The following SVEP1 variants were observed in gnomAD, a reference collection of about 807,000 sequenced individuals.
SVEP1 encodes the protein sushi, von Willebrand factor type A, EGF and pentraxin domain-containing protein 1.
Under a neutral mutation model 367.3 loss-of-function variants are expected in SVEP1, and 164 were observed. The observed-to-expected ratio is 0.45, with a 90% confidence interval of 0.39 to 0.51. The LOEUF (loss-of-function observed/expected upper bound fraction) is 0.51, where lower values mean the gene tolerates loss of function less well. Ranked by LOEUF, SVEP1 falls within the 20% of genes least tolerant of loss-of-function variation. SVEP1 has a pLI of 0.00. For missense variants in SVEP1, 4,117 were observed against 4,425.3 expected (o/e 0.93, Z 1.98); for synonymous variants, 1,666 against 1,611.6 (o/e 1.03, Z -0.81).
intron 3 of SVEP1, among the ~76,000 whole-genome samples, chr9:110,541,788 T>C (rs953185507): frequency 1.4e-5 from 2 of 144,968 alleles, no homozygotes; most frequent in African/African-American, 5.0e-5. Flanking sequence ...TCTATATACA[T>C]AGATATCTAT....
intron 1 of SVEP1, among the ~76,000 whole-genome samples, chr9:110,562,988 GT>G (rs1830450002): frequency 6.6e-6 from 1 of 152,114 alleles, no homozygotes; most frequent in South Asian, 2.1e-4. Flanking sequence ...AAGTTTAGCT[GT>G]TGTAACAAGG....
rs1564171832 is a variant in SVEP1 at position 110,541,831 on chromosome 9, CTATA to C, written c.964+4280_964+4283del. Among the ~76,000 whole-genome samples, 1,142 of 138,918 alleles carry C rather than the reference CTATA, an allele frequency of 8.2e-3. 12 individuals carry two copies. Among genetic ancestry groups the C allele is most frequent in the African/African-American group, 0.026 (1,004 of 38,180 alleles). The allele number at this position is 138,918 out of a possible 152,430, so 91.1% of individuals were successfully genotyped here. On this transcript the variant is annotated intron_variant, in intron 3 of 47. Transcript: ENST00000374469. ...TATATACATAGATATCTATATATAT[CTATA>C]TACATAGATATCTATATATATCTAT...
intron 3 of SVEP1, among the ~76,000 whole-genome samples, chr9:110,528,690 T>C (rs1251162170): frequency 6.6e-6 from 1 of 152,022 alleles, no homozygotes; most frequent in African/African-American, 2.4e-5. Context: ...TTGAGTTCCT[T>C]GTGCATTCTG....
intron 26 of SVEP1, among the ~76,000 whole-genome samples, chr9:110,445,308 G>A (rs1477222132): frequency 1.3e-5 from 2 of 152,168 alleles, no homozygotes; most frequent in Non-Finnish European, 2.9e-5. Flanking sequence ...TGGCGATGGG[G>A]CCCTGGAGTT....
intron 3 of SVEP1, among the ~76,000 whole-genome samples, chr9:110,542,495 A>G (rs1388611281): frequency 1.3e-5 from 2 of 152,180 alleles, no homozygotes; most frequent in Admixed American, 1.3e-4. Context: ...TAAAACAGCT[A>G]TCGTCTAGTC....
intron 3 of SVEP1, among the ~76,000 whole-genome samples, chr9:110,542,908 T>C (rs1830168992): frequency 6.6e-6 from 1 of 151,182 alleles, no homozygotes; most frequent in African/African-American, 2.4e-5. Context: ...GGCACATGTA[T>C]ACGTATGTAA....
At position 110,468,972 on chromosome 9, in the gene SVEP1, T is replaced by C. The variant is rs1828978085; in HGVS notation, c.3128A>G (p.Tyr1043Cys). Reference protein sequence around the residue: ...KLCPSGMYTEYIHSRNISDCK... With the variant: ...KLCPSGMYTECIHSRNISDCK... ...ATCAGAGATGTTTCTTGAATGGATA[T>C]ATTCCGTGTACATCCCAGAGGGGCA... Residue 1043 changes from tyrosine (Y) to cysteine (C), a missense_variant, in exon 17 of 48, where the codon TAT becomes TGT. Around this residue, in one of 4 missense-constraint regions of SVEP1, gnomAD observed 2,174 missense variants for 2,494.3 expected, o/e 0.87. Transcript: ENST00000374469. 2 of 1,612,544 alleles carry C rather than the reference T, an allele frequency of 1.2e-6. No individual in the cohort carries two copies. The highest frequency in any genetic ancestry group is 2.7e-5 in the African/African-American group (2 of 75,030).
At chr9:110,432,413 C>A (rs1480044937) in intron 31 of SVEP1, 49 bp downstream of exon 31, 13 of 1,553,210 alleles carry the variant, frequency 8.4e-6, no homozygotes, top group Non-Finnish European at 1.1e-5. Context: ...TGACTGTCAT[C>A]TACAGAGCTA....
chr9:110,383,442 T>G (rs1256784274), intron 43 of SVEP1, among the ~76,000 whole-genome samples: 2 of 151,970 alleles, frequency 1.3e-5, no homozygotes, highest in Admixed American at 6.6e-5. Context: ...CTGCCTGCTC[T>G]TTCCTCTGGG....
chr9:110,443,791 A>G, intron 26 of SVEP1, 71 bp from the exon 27 acceptor site: 2 of 1,316,730 alleles, frequency 1.5e-6, no homozygotes, highest in South Asian at 2.2e-5. Context: ...GGGGCATGCT[A>G]CAATTTTTCT....
intron 36 of SVEP1, among the ~76,000 whole-genome samples, chr9:110,412,708 A>G (rs1347680484): frequency 2.0e-5 from 3 of 152,110 alleles, no homozygotes; most frequent in Non-Finnish European, 4.4e-5. Flanking sequence ...GAAAAAACAA[A>G]CCCCATCAAA....
Position 110,579,109 on chromosome 9 carries a change from C to G in SVEP1, c.435G>C (p.Ala145=), listed in dbSNP as rs1830661119. Residue 145 remains alanine, a synonymous_variant, in exon 1 of 48, where the codon GCG becomes GCC. Transcript: ENST00000374469. The surrounding 1 kb of genome is among the most constrained non-coding windows in gnomAD (Gnocchi z 5.3). ...PRVDYISTRR[A]RQHKCALLLQ... Reference sequence around the variant, plus strand: ...GGAGCAGCGCGCACTTGTGCTGGCGCGCGCGGCGGGTGGAGATGTAATCGA... The same window carrying G: ...GGAGCAGCGCGCACTTGTGCTGGCGGGCGCGGCGGGTGGAGATGTAATCGA... 2 of 1,553,790 alleles carry G rather than the reference C, an allele frequency of 1.3e-6. No homozygotes were observed. Among genetic ancestry groups the G allele is most frequent in the Admixed American group, 3.9e-5 (2 of 51,312 alleles).
intron 3 of SVEP1, among the ~76,000 whole-genome samples, chr9:110,533,598 G>GTGTGTC (rs1381312203): frequency 9.3e-6 from 1 of 107,992 alleles, no homozygotes; most frequent in Non-Finnish European, 2.0e-5. Context: ...GTGTGTCTGT[G>GTGTGTC]TGTGTGTGTG....
At position 110,366,085 on chromosome 9, in the gene SVEP1, C is replaced by T. The variant is rs944924280; in HGVS notation, c.*454G>A. On this transcript the variant is annotated 3_prime_UTR_variant, in exon 48 of 48. Transcript: ENST00000374469. Reference sequence around the variant, plus strand: ...GGTCTCCTTTATTGTAAGGGGTCTCCTATGTGGTGCCAGTGGCACAGATGA... The same window carrying T: ...GGTCTCCTTTATTGTAAGGGGTCTCTTATGTGGTGCCAGTGGCACAGATGA... The T allele has an allele frequency of 1.9e-5, 3 of 154,266 alleles. No homozygotes were observed. The highest frequency in any genetic ancestry group is 4.3e-5 in the Non-Finnish European group (3 of 69,402). 9.6% of individuals were successfully genotyped at this position (154,266 alleles called of 1,614,324 possible).
chr9:110,415,045 G>A (rs1384489424), intron 36 of SVEP1, among the ~76,000 whole-genome samples: 2 of 151,938 alleles, frequency 1.3e-5, no homozygotes, highest in African/African-American at 2.4e-5. Flanking sequence ...GACCACTTAC[G>A]TATTTGAGCA....
At chr9:110,512,658 T>C (rs190112297) in intron 5 of SVEP1, 2 of 475,302 alleles carry the variant, frequency 4.2e-6, no homozygotes, top group East Asian at 8.5e-5. Context: ...GCTTGAAATT[T>C]GAGGTTTGGG....
chr9:110,470,138 G>A (rs1468655678), intron 16 of SVEP1, among the ~76,000 whole-genome samples: 5 of 152,104 alleles, frequency 3.3e-5, no homozygotes, highest in African/African-American at 1.2e-4. Flanking sequence ...GGAACAGGCT[G>A]GAATTGACCC....
chr9:110,389,504 C>G lies in SVEP1; in HGVS notation c.9886+20G>C, dbSNP rs1419988276. ...GTCCTCAGTGTCATTTTGGGGGCTG[C>G]TAAGTGTCATTCAACTCACCTTTGC... On this transcript the variant is annotated intron_variant, in intron 41 of 47. Coordinates refer to ENST00000374469, the MANE Select transcript of SVEP1 (RefSeq NM_153366.4). The G allele has an allele frequency of 6.2e-7, 1 of 1,612,520 alleles. No individual in the cohort carries two copies. The highest frequency in any genetic ancestry group is 1.3e-5 in the African/African-American group (1 of 74,806).
chr9:110,406,046 G>T, intron 38 of SVEP1, 114 bp downstream of exon 38: 2 of 1,325,346 alleles, frequency 1.5e-6, no homozygotes, highest in Non-Finnish European at 2.0e-6. Flanking sequence ...ACCAGTGTTT[G>T]GAGAGCAGTT....
Sources: allele counts gnomAD v4.1 joint callset (sites outside exome capture counted in the v4.1 genomes callset), GRCh38; gene constraint gnomAD v4.1.1; regional missense constraint gnomAD v4.1.1; non-coding constraint Gnocchi (gnomAD v3.1); transcripts MANE v1.5; gene names NCBI Gene and HGNC (gene_info 2026-07-23, HGNC 2026-07-21).